The following BIN3 variants were observed in gnomAD, a reference collection of about 807,000 sequenced individuals.
BIN3 encodes bridging integrator 3.
A neutral mutation model predicts 38.2 loss-of-function variants in BIN3; 41 were observed. The observed-to-expected ratio is 1.07, with a 90% confidence interval of 0.84 to 1.39. The LOEUF is 1.39. Among genes scored for constraint, BIN3 ranks in the 40% most tolerant of loss-of-function variants. The probability of loss-of-function intolerance (pLI) is 0.00; values close to 1 mark genes in which losing one functional copy is unlikely to be tolerated. For synonymous variants in BIN3, 145 were observed against 122.6 expected (o/e 1.18, Z -1.21); for missense variants, 361 against 324.3 (o/e 1.11, Z -0.87).
intron 1 of BIN3, among the ~76,000 whole-genome samples, chr8:22,662,743 T>C (rs1585207063): frequency 1.3e-5 from 2 of 152,172 alleles, no homozygotes; most frequent in South Asian, 4.1e-4. Context: ...TTCCATTATA[T>C]ACATAGATCA....
chr8:22,629,068 T>A (rs982865810), intron 6 of BIN3, among the ~76,000 whole-genome samples: 2 of 152,184 alleles, frequency 1.3e-5, no homozygotes, highest in Non-Finnish European at 2.9e-5. Context: ...CAGGCGGGCC[T>A]TTTCCTAATC....
At chr8:22,643,524 G>T (rs754493241) in intron 2 of BIN3, among the ~76,000 whole-genome samples, 2 of 152,206 alleles carry the variant, frequency 1.3e-5, no homozygotes, top group African/African-American at 2.4e-5. Context: ...GCCCAGGCTG[G>T]TCTCAAACTT....
intron 2 of BIN3, among the ~76,000 whole-genome samples, chr8:22,641,610 G>C (rs778166935): frequency 3.3e-5 from 5 of 152,152 alleles, no homozygotes; most frequent in African/African-American, 4.8e-5. Context: ...GCTCCCTGTA[G>C]GTATGTTCTA....
At chr8:22,622,087 C>T (rs904679190) in intron 8 of BIN3, among the ~76,000 whole-genome samples, 1 of 152,190 alleles carries the variant, frequency 6.6e-6, no homozygotes, top group African/African-American at 2.4e-5. Context: ...GGGGACAGCT[C>T]AGAGGCCAGG....
At chr8:22,627,640 C>T (rs1309051141) in intron 6 of BIN3, among the ~76,000 whole-genome samples, 1 of 137,918 alleles carries the variant, frequency 7.3e-6, no homozygotes, top group Non-Finnish European at 1.6e-5. Context: ...CTCTGCTGTT[C>T]CAGCGCACTT....
Position 22,669,078 on chromosome 8 carries a change from G to T in BIN3, c.-27C>A, listed in dbSNP as rs756259422. 13 of 1,590,884 alleles carry T rather than the reference G, an allele frequency of 8.2e-6. No individual in the cohort carries two copies. In the East Asian group the frequency reaches 2.5e-4, roughly 31 times the overall value. On this transcript the variant is annotated 5_prime_UTR_variant, in exon 1 of 9. Coordinates refer to ENST00000276416, the MANE Select transcript of BIN3 (RefSeq NM_018688.6). ...GTCCCGAACCTGCGTCTGCCGCCGG[G>T]GTCCTCAGCCACAACTCGTTTCTCT...
At chr8:22,652,700 T>A (rs1225427750) in intron 1 of BIN3, among the ~76,000 whole-genome samples, 2 of 152,188 alleles carry the variant, frequency 1.3e-5, no homozygotes, top group Non-Finnish European at 2.9e-5. Context: ...CAAATAGGCA[T>A]GAAAGTGAAT....
intron 2 of BIN3, among the ~76,000 whole-genome samples, chr8:22,643,892 A>G (rs1802638794): frequency 6.6e-6 from 1 of 152,198 alleles, no homozygotes; most frequent in African/African-American, 2.4e-5. Context: ...TGTTAAAACC[A>G]AGAGACCCAC....
intron 1 of BIN3, among the ~76,000 whole-genome samples, chr8:22,648,030 G>A (rs770861525): frequency 1.2e-4 from 18 of 151,730 alleles, no homozygotes; most frequent in Middle Eastern, 3.4e-3. Context: ...AGCTACTCAG[G>A]AGGCTGAGGC....
intron 4 of BIN3, chr8:22,634,494 T>C (rs1218637494): frequency 2.2e-6 from 1 of 456,144 alleles, no homozygotes; most frequent in Non-Finnish European, 4.4e-6. Context: ...AAAGGTGTGT[T>C]TACACATCAG....
intron 2 of BIN3, among the ~76,000 whole-genome samples, chr8:22,643,577 G>T (rs563991649): frequency 1.3e-5 from 2 of 152,212 alleles, no homozygotes; most frequent in Non-Finnish European, 2.9e-5. Context: ...CCAAAGTGTT[G>T]GATTACAGGC....
At chr8:22,622,270 T>C (rs921957954) in intron 8 of BIN3, among the ~76,000 whole-genome samples, 8 of 152,242 alleles carry the variant, frequency 5.3e-5, no homozygotes, top group Non-Finnish European at 7.3e-5. Flanking sequence ...TTCTACCTCA[T>C]GACCCAATGA....
At chr8:22,645,607 G>A (rs979914646) in intron 1 of BIN3, among the ~76,000 whole-genome samples, 2 of 137,964 alleles carry the variant, frequency 1.4e-5, no homozygotes, top group African/African-American at 3.5e-5. Flanking sequence ...AGACACCCGC[G>A]AGGATGGCAG....
At chr8:22,639,627 G>A (rs1407116212) in intron 2 of BIN3, among the ~76,000 whole-genome samples, 1 of 152,120 alleles carries the variant, frequency 6.6e-6, no homozygotes, top group Non-Finnish European at 1.5e-5. Context: ...AGATTGCAAG[G>A]TGCCTGGCCC....
chr8:22,645,637 G>C (rs1301599303), intron 1 of BIN3, among the ~76,000 whole-genome samples: 1 of 142,948 alleles, frequency 7.0e-6, no homozygotes, highest in Non-Finnish European at 1.6e-5. Context: ...GACACCCTGT[G>C]AATGACAATA....
intron 1 of BIN3, among the ~76,000 whole-genome samples, chr8:22,662,035 T>C (rs962651506): frequency 6.6e-6 from 1 of 152,240 alleles, no homozygotes; most frequent in Non-Finnish European, 1.5e-5. Context: ...CCTCAACTGA[T>C]CTGCCCGCCT....
At position 22,623,984 on chromosome 8, in the gene BIN3, C is replaced by G; in HGVS notation, c.546G>C (p.Glu182Asp). 1 of 1,612,708 alleles carries G rather than the reference C, an allele frequency of 6.2e-7. No individual in the cohort carries two copies. Among genetic ancestry groups the G allele is most frequent in the Non-Finnish European group, 8.5e-7 (1 of 1,179,718 alleles). ...GGCGGCTGCCGTAGAAGCGCGGCAT[C>G]TCCTCCAGCAGCTGCCTGTTCTTGG... The part of the protein sequence containing the change: ...FEAKNRQLLE[E>D]MPRFYGSRLD... Residue 182 changes from glutamate to aspartate, a missense_variant, in exon 8 of 9, where the codon GAG (glutamate) becomes GAC (aspartate). Coordinates refer to ENST00000276416, the MANE Select transcript of BIN3 (RefSeq NM_018688.6).
chr8:22,653,075 G>A (rs1178356352), intron 1 of BIN3, among the ~76,000 whole-genome samples: 1 of 152,128 alleles, frequency 6.6e-6, no homozygotes, highest in Admixed American at 6.5e-5. Flanking sequence ...AAGATGTCAG[G>A]GCACATTTCA....
rs575499906 is a variant in BIN3 at position 22,621,440 on chromosome 8, G to A, written c.744C>T (p.Ser248=). Residue 248 remains serine, a synonymous_variant, in exon 9 of 9, where the codon TCC becomes TCT. Transcript: ENST00000276416. ...EAKLSELRAL[S]IVADD is the part of the protein sequence containing the mutation. ...CGGGGATTCAGTCATCGGCCACAAT[G>A]GAGAGGGCCCGGAGCTCACTGAGTT... 6.2e-7 allele frequency: 1 copy of A among 1,613,564 alleles called. No individual in the cohort carries two copies. Among genetic ancestry groups the A allele is most frequent in the Non-Finnish European group, 8.5e-7 (1 of 1,179,764 alleles).
Sources: gnomAD v4.1 joint callset for allele counts (sites outside exome capture counted in the v4.1 genomes callset) on GRCh38, gnomAD v4.1.1 for gene constraint, MANE v1.5 for transcripts, NCBI Gene and HGNC (gene_info 2026-07-23, HGNC 2026-07-21) for gene names.